The following DPP6 variants were observed in gnomAD, a reference collection of about 807,000 sequenced individuals.
DPP6 encodes dipeptidyl peptidase like 6.
A neutral mutation model predicts 122.6 loss-of-function variants in DPP6; 69 were observed. That is an observed-to-expected ratio of 0.56 (90% CI 0.46 to 0.69). DPP6 has a LOEUF of 0.69. Ranked by LOEUF, DPP6 falls within the 30% of genes least tolerant of loss-of-function variation. The pLI is 0.00. For synonymous variants in DPP6, 418 were observed against 433.1 expected (o/e 0.97, Z 0.43); for missense variants, 928 against 1,116.9 (o/e 0.83, Z 2.41).
chr7:153,908,822 T>C lies in DPP6; in HGVS notation c.51+21088T>C, dbSNP rs144161008. Among the ~76,000 whole-genome samples the C allele has an allele frequency of 1.5e-3, 224 of 152,216 alleles. 2 individuals are homozygous for C. The highest frequency in any genetic ancestry group is 4.8e-3 in the African/African-American group (199 of 41,552). On this transcript the variant is annotated intron_variant, in intron 1 of 25. Transcript: ENST00000404039. ...CAGGCTGGAGTCAGTGGTGCAATCT[T>C]GGCTCACTGCAACCTCCGCCTCCCA... is the stretch of plus-strand genomic sequence containing the variant.
chr7:154,630,563 CT>C (rs958926377), intron 5 of DPP6, among the ~76,000 whole-genome samples: 6 of 152,160 alleles, frequency 3.9e-5, no homozygotes, highest in Non-Finnish European at 7.4e-5. Context: ...TGATGATGAG[CT>C]TTTTTTCATG....
At chr7:154,062,315 C>G (rs1335902333) in intron 1 of DPP6, among the ~76,000 whole-genome samples, 2 of 75,410 alleles carry the variant, frequency 2.7e-5, no homozygotes, top group Non-Finnish European at 5.4e-5. Context: ...TGAGGACCCC[C>G]ATCGCAGGAG....
At chr7:153,845,273 A>G in the DPP6 span, among the ~76,000 whole-genome samples, 1 of 152,104 alleles carries the variant, frequency 6.6e-6, no homozygotes, top group Admixed American at 6.5e-5. Context: ...TTCGGTCAAC[A>G]TATTTTAAGC....
chr7:154,409,379 G>T lies in DPP6; in HGVS notation c.244-36835G>T, dbSNP rs147889726. On this transcript the variant is annotated intron_variant, in intron 1 of 25. Transcript: ENST00000377770. ...AGAGGCCGCAGATGAAAAGAGTCCT[G>T]CTGACACCTTCATCTTGGACTTCTA... is the stretch of plus-strand genomic sequence containing the variant. Among the ~76,000 whole-genome samples, 1,436 of 152,244 alleles carry T rather than the reference G, an allele frequency of 9.4e-3. 16 individuals carry two copies. The highest frequency in any genetic ancestry group is 0.012 in the Non-Finnish European group (791 of 68,014).
At chr7:154,579,817 A>G (rs1408717900) in intron 5 of DPP6, among the ~76,000 whole-genome samples, 1 of 152,128 alleles carries the variant, frequency 6.6e-6, no homozygotes. Flanking sequence ...GAACTCCCCC[A>G]TGTGCATTGA....
At chr7:154,589,580 G>A (rs929983273) in intron 5 of DPP6, among the ~76,000 whole-genome samples, 4 of 152,236 alleles carry the variant, frequency 2.6e-5, no homozygotes, top group Admixed American at 6.5e-5. Flanking sequence ...TTACCCACAC[G>A]TGGCTCTTGA....
chr7:154,283,478 C>T (rs1455377379), intron 1 of DPP6, among the ~76,000 whole-genome samples: 1 of 151,810 alleles, frequency 6.6e-6, no homozygotes, highest in African/African-American at 2.4e-5. Flanking sequence ...TCATCATCAT[C>T]ATCAAGAATT....
At chr7:153,983,466 A>G (rs950900517) in intron 1 of DPP6, among the ~76,000 whole-genome samples, 1 of 152,220 alleles carries the variant, frequency 6.6e-6, no homozygotes. Context: ...AAGCCAGTAG[A>G]TCTTAGCTTA....
intron 1 of DPP6, among the ~76,000 whole-genome samples, chr7:154,188,147 A>G (rs1300003830): frequency 6.6e-6 from 1 of 152,078 alleles, no homozygotes; most frequent in African/African-American, 2.4e-5. Flanking sequence ...ACCTCAGCAG[A>G]TCCAAAGGCC....
the DPP6 span, among the ~76,000 whole-genome samples, chr7:153,861,832 C>G: frequency 1.3e-4 from 20 of 152,320 alleles, no homozygotes; most frequent in South Asian, 4.1e-3. Flanking sequence ...ATTTATTGAG[C>G]TCCTCAATGT....
At chr7:154,585,569 A>T (rs1339648667) in intron 5 of DPP6, among the ~76,000 whole-genome samples, 1 of 152,246 alleles carries the variant, frequency 6.6e-6, no homozygotes, top group African/African-American at 2.4e-5. Flanking sequence ...ACTCCACAGA[A>T]GCTCAAGCGC....
chr7:153,826,744 A>G, the DPP6 span, among the ~76,000 whole-genome samples: 6 of 152,270 alleles, frequency 3.9e-5, no homozygotes, highest in African/African-American at 1.4e-4. Context: ...TGCACTTGTT[A>G]TTGGAGGAAA....
At chr7:154,262,991 GA>G (rs1803137519) in intron 1 of DPP6, among the ~76,000 whole-genome samples, 1 of 152,156 alleles carries the variant, frequency 6.6e-6, no homozygotes, top group Non-Finnish European at 1.5e-5. Context: ...GCTCACCAAT[GA>G]AAAGGAAATA....
chr7:154,127,914 C>T (rs1052314609), intron 1 of DPP6, among the ~76,000 whole-genome samples: 10 of 151,238 alleles, frequency 6.6e-5, no homozygotes, highest in African/African-American at 2.4e-4. Context: ...GGTTCTACCT[C>T]ACAGAGAGAA....
intron 12 of DPP6, among the ~76,000 whole-genome samples, chr7:154,800,750 C>T (rs544343082): frequency 9.1e-4 from 139 of 152,318 alleles, no homozygotes; most frequent in Non-Finnish European, 1.7e-3. Context: ...CCCCTCCCAC[C>T]TGTGTTTTAG....
intron 4 of DPP6, among the ~76,000 whole-genome samples, chr7:154,553,280 A>T (rs1435098376): frequency 6.6e-6 from 1 of 152,242 alleles, no homozygotes; most frequent in African/African-American, 2.4e-5. Flanking sequence ...GTGTACAGGC[A>T]GATGGGATTA....
chr7:154,759,830 A>G (rs566253405), intron 8 of DPP6, among the ~76,000 whole-genome samples: 2 of 152,322 alleles, frequency 1.3e-5, no homozygotes, highest in Admixed American at 1.3e-4. Flanking sequence ...CAGAAAAGAA[A>G]AGCTTTATAT....
chr7:154,717,257 T>C (rs1382387815), intron 7 of DPP6, among the ~76,000 whole-genome samples: 2 of 152,232 alleles, frequency 1.3e-5, no homozygotes, highest in African/African-American at 2.4e-5. Flanking sequence ...CTTCTAGATA[T>C]TTTGAATAGA....
chr7:153,982,862 A>G (rs1051070915), intron 1 of DPP6, among the ~76,000 whole-genome samples: 11 of 152,242 alleles, frequency 7.2e-5, no homozygotes, highest in African/African-American at 2.4e-4. Flanking sequence ...TTGCCTGGGT[A>G]TCACCAGTGA....
Sources: gnomAD v4.1 joint callset for allele counts (sites outside exome capture counted in the v4.1 genomes callset) on GRCh38, gnomAD v4.1.1 for gene constraint, MANE v1.5 for transcripts, NCBI Gene and HGNC (gene_info 2026-07-23, HGNC 2026-07-21) for gene names.